ERCC6L2: variants seen among roughly 807,000 people sequenced by gnomAD.
ERCC6L2 encodes the protein ERCC excision repair 6 like 2.
ERCC6L2 carries 77 observed loss-of-function variants against 132.0 expected under a neutral mutation model. The ratio of observed to expected loss-of-function variants is 0.58; its 90% CI spans 0.49 to 0.71. The LOEUF (loss-of-function observed/expected upper bound fraction) is 0.71. Among genes scored for constraint, ERCC6L2 ranks in the 30% least tolerant of loss-of-function variants. ERCC6L2 has a pLI of 0.00. For synonymous variants in ERCC6L2, 583 were observed against 632.4 expected (o/e 0.92, Z 1.17); for missense variants, 1,542 against 1,837.6 (o/e 0.84, Z 2.94).
rs1363334532 is a variant in ERCC6L2 at position 95,972,106 on chromosome 9, A to G, written c.2355A>G (p.Pro785=). The G allele has an allele frequency of 7.7e-7, 1 of 1,304,286 alleles. No individual in the cohort carries two copies. The highest frequency in any genetic ancestry group is 2.1e-4 in the Middle Eastern group (1 of 4,696). The allele number at this position is 1,304,286 out of a possible 1,614,324, so 80.8% of individuals were successfully genotyped here. Residue 785 remains proline (P), a synonymous_variant, in exon 16 of 19, where the codon CCA becomes CCG. Coordinates refer to ENST00000653738, the MANE Select transcript of ERCC6L2 (RefSeq NM_020207.7). The stretch of plus-strand genomic sequence containing the variant: ...ATTCAAGTAAAGCTTCCAGCTCTCC[A>G]GGACAGCTTACCTTACTCCAGTGTG... ...APDSSKASSS[P]GQLTLLQCGF...
Position 95,991,880 on chromosome 9 carries a change from T to C in ERCC6L2, c.3493-12640T>C, listed in dbSNP as rs147023918. 4.0e-3 allele frequency among the ~76,000 whole-genome samples: 604 copies of C among 152,314 alleles called. 5 individuals are homozygous for C. The highest frequency in any genetic ancestry group is 0.014 in the African/African-American group (566 of 41,568). ...GATACACCAATGAATTTTAACAATATAAAAATTTTACTGAAAGGTTTCAGA... is the reference window on the plus strand; with the variant it reads ...GATACACCAATGAATTTTAACAATACAAAAATTTTACTGAAAGGTTTCAGA... On this transcript the variant is annotated intron_variant, in intron 17 of 18. Transcript: ENST00000653738.
chr9:96,001,728 G>C (rs951683680), intron 17 of ERCC6L2, among the ~76,000 whole-genome samples: 2 of 152,286 alleles, frequency 1.3e-5, no homozygotes, highest in African/African-American at 4.8e-5. Context: ...GCATTCCTCA[G>C]CCCTTGGGTG....
Position 96,012,479 on chromosome 9 carries a change from A to C in ERCC6L2, c.3929A>C (p.Asp1310Ala). ...TCTCTTATAAAACCAAGGCTGTCAG[A>C]TTCTGAAACCTTGTCATTTAAAGAT... ...RESLIKPRLSDSETLSFKDST... is the reference protein window; with the variant it reads ...RESLIKPRLSASETLSFKDST... Residue 1310 changes from aspartate (D) to alanine (A), a missense_variant, in exon 19 of 19, where the codon GAT becomes GCT. By Grantham distance (126) the Asp-to-Ala change is moderately radical. Coordinates refer to ENST00000653738, the MANE Select transcript of ERCC6L2 (RefSeq NM_020207.7). The C allele has an allele frequency of 7.3e-7, 1 of 1,367,436 alleles. No homozygotes were observed. Among genetic ancestry groups the C allele is most frequent in the Non-Finnish European group, 9.8e-7 (1 of 1,021,792 alleles). The allele number at this position is 1,367,436 out of a possible 1,614,324, so 84.7% of individuals were successfully genotyped here.
intron 12 of ERCC6L2, 48 bp from the exon 13 acceptor site, chr9:95,955,866 C>A: frequency 8.4e-7 from 1 of 1,185,354 alleles, no homozygotes; most frequent in Non-Finnish European, 1.2e-6. Context: ...CTCTTCAACC[C>A]AAAGTTGCTT....
chr9:95,961,678 G>A (rs1447723496), intron 13 of ERCC6L2, among the ~76,000 whole-genome samples: 1 of 152,108 alleles, frequency 6.6e-6, no homozygotes, highest in African/African-American at 2.4e-5. Context: ...TGCCATATAT[G>A]TAATAAAAGA....
chr9:95,941,670 C>T (rs987376575), intron 12 of ERCC6L2, 121 bp downstream of exon 12: 15 of 693,884 alleles, frequency 2.2e-5, no homozygotes, highest in African/African-American at 3.6e-5. Context: ...CTGGTAAAAA[C>T]GTACATTTAA....
In ERCC6L2 at chr9:95,879,606, G is replaced by A. The variant is rs780210998; in HGVS notation, c.47-1263G>A. Among the ~76,000 whole-genome samples the A allele has an allele frequency of 3.4e-4, 52 of 152,270 alleles. 1 individual carries two copies. Among genetic ancestry groups the A allele is most frequent in the Admixed American group, 7.8e-4 (12 of 15,306 alleles). The stretch of plus-strand genomic sequence containing the variant: ...ACTCTTTTAGAATGGTGTAACAGTT[G>A]TCAACAGTTTGGGTCCAGAGAGTAG... On this transcript the variant is annotated intron_variant, in intron 1 of 18. Coordinates refer to ENST00000653738, the MANE Select transcript of ERCC6L2 (RefSeq NM_020207.7).
chr9:95,910,988 A>G (rs1829315953), intron 4 of ERCC6L2, among the ~76,000 whole-genome samples: 2 of 152,246 alleles, frequency 1.3e-5, no homozygotes, highest in East Asian at 1.9e-4. Flanking sequence ...ATCACAGCTC[A>G]CTGTACCCTC....
At chr9:95,964,296 T>C (rs960982808) in intron 13 of ERCC6L2, among the ~76,000 whole-genome samples, 8 of 152,316 alleles carry the variant, frequency 5.3e-5, no homozygotes, top group African/African-American at 1.7e-4. Context: ...CATTGTCTTA[T>C]ATTTGGCCAA....
At chr9:95,934,096 A>G (rs1029593730) in intron 11 of ERCC6L2, among the ~76,000 whole-genome samples, 15 of 152,296 alleles carry the variant, frequency 9.8e-5, no homozygotes, top group African/African-American at 3.6e-4. Flanking sequence ...TGGCAATGCA[A>G]AGCCTCAGAG....
At chr9:95,975,192 C>T (rs1328254536) in intron 16 of ERCC6L2, among the ~76,000 whole-genome samples, 1 of 152,132 alleles carries the variant, frequency 6.6e-6, no homozygotes, top group East Asian at 1.9e-4. Context: ...CTTCACTTAA[C>T]TGTTGGTCCA....
intron 7 of ERCC6L2, 63 bp downstream of exon 7, chr9:95,921,378 A>G (rs1829862305): frequency 7.5e-7 from 1 of 1,324,904 alleles, no homozygotes; most frequent in East Asian, 2.5e-5. Context: ...CTTCTAGTGT[A>G]AAAGAAAGTA....
At chr9:96,019,199 TGAAA>T (rs749745338), downstream of ERCC6L2, among the ~76,000 whole-genome samples, 3 of 152,232 alleles carry the variant, frequency 2.0e-5, no homozygotes, top group Non-Finnish European at 4.4e-5. Flanking sequence ...GTTTCTGAAC[TGAAA>T]GAAACTTCAA....
intron 12 of ERCC6L2, among the ~76,000 whole-genome samples, chr9:95,947,980 A>G (rs1198539797): frequency 2.0e-5 from 3 of 152,242 alleles, no homozygotes; most frequent in East Asian, 1.9e-4. Flanking sequence ...AATGTTGTTT[A>G]TGCAGTAACA....
At chr9:95,996,223 C>G (rs2133174835) in intron 17 of ERCC6L2, among the ~76,000 whole-genome samples, 1 of 152,338 alleles carries the variant, frequency 6.6e-6, no homozygotes. Context: ...GATCAAAGAT[C>G]AAACCAGCCA....
Position 95,908,376 on chromosome 9 carries a change from G to A in ERCC6L2, c.788+1105G>A, listed in dbSNP as rs111534974. Among the ~76,000 whole-genome samples the A allele has an allele frequency of 9.7e-3, 1,480 of 152,308 alleles. 15 individuals are homozygous for A. The highest frequency in any genetic ancestry group is 0.041 in the Middle Eastern group (12 of 294). ...ACACACACCACAGAGGAAGGGACTT[G>A]TGAGGACACAGCAAGAAGGCAGTCA... On this transcript the variant is annotated intron_variant, in intron 4 of 18. Transcript: ENST00000653738.
chr9:95,907,121 A>G lies in ERCC6L2; in HGVS notation c.638A>G (p.Lys213Arg). Residue 213 changes from lysine (K) to arginine (R), a missense_variant, in exon 4 of 19, where the codon AAG becomes AGG. Around this residue, in one of 4 missense-constraint regions of ERCC6L2, gnomAD observed 945 missense variants for 1,105.2 expected, o/e 0.86. Coordinates refer to ENST00000653738, the MANE Select transcript of ERCC6L2 (RefSeq NM_020207.7). ...VAPLSVLYNWKDELDTWGYFR... is the reference protein window; with the variant it reads ...VAPLSVLYNWRDELDTWGYFR... Reference sequence around the variant, plus strand: ...CCTCTTTCTGTCCTCTACAACTGGAAGGATGAATTGGACACCTGGGGATAT... The same window carrying G: ...CCTCTTTCTGTCCTCTACAACTGGAGGGATGAATTGGACACCTGGGGATAT... 1 of 1,613,026 alleles carries G rather than the reference A, an allele frequency of 6.2e-7. No individual in the cohort carries two copies. Among genetic ancestry groups the G allele is most frequent in the Non-Finnish European group, 8.5e-7 (1 of 1,179,608 alleles).
chr9:95,941,872 G>A (rs1488404318), intron 12 of ERCC6L2, among the ~76,000 whole-genome samples: 1 of 152,162 alleles, frequency 6.6e-6, no homozygotes, highest in Non-Finnish European at 1.5e-5. Context: ...AAAGCAAGTA[G>A]AATCTGTGAT....
At chr9:95,995,451 TTAG>T (rs1229347369) in intron 17 of ERCC6L2, among the ~76,000 whole-genome samples, 1 of 152,216 alleles carries the variant, frequency 6.6e-6, no homozygotes, top group African/African-American at 2.4e-5. Flanking sequence ...TTATGGATAG[TTAG>T]TAGATCTAGG....
Sources: allele counts gnomAD v4.1 joint callset (sites outside exome capture counted in the v4.1 genomes callset), GRCh38; gene constraint gnomAD v4.1.1; regional missense constraint gnomAD v4.1.1; transcripts MANE v1.5; gene names NCBI Gene and HGNC (gene_info 2026-07-23, HGNC 2026-07-21).